Variants in WDR20 observed in about 807,000 individuals in gnomAD.
The protein encoded by WDR20 is WD repeat-containing protein 20.
A neutral mutation model predicts 38.7 loss-of-function variants in WDR20; 3 were observed. The ratio of observed to expected loss-of-function variants is 0.08; its 90% confidence interval spans 0.04 to 0.20. The LOEUF (loss-of-function observed/expected upper bound fraction) is 0.20. Ranked by LOEUF, WDR20 falls within the 10% of genes least tolerant of loss-of-function variation. The pLI is 1.00. For synonymous variants in WDR20, 298 were observed against 285.6 expected, an observed-to-expected ratio of 1.04 and a Z score of -0.44; for missense variants, 559 against 727.7, an observed-to-expected ratio of 0.77 and a Z score of 2.67.
downstream of WDR20, chr14:102,213,690 T>C (rs1264417999): frequency 2.0e-6 from 2 of 985,312 alleles, no homozygotes; most frequent in Non-Finnish European, 2.4e-6. Context: ...TTCCTCCACT[T>C]CCTGGGGTTC....
chr14:102,209,201 G>C lies in WDR20; in HGVS notation c.1031G>C (p.Arg344Pro). Residue 344 changes from arginine to proline, a missense_variant, in exon 3 of 3, where the codon CGA becomes CCA. Arg to Pro is a moderately radical substitution (Grantham distance 103). Transcript: ENST00000342702. The surrounding 1 kb of genome is among the most constrained non-coding windows in gnomAD (Gnocchi z 6.0). The stretch of plus-strand genomic sequence containing the variant: ...GACCTTCTTCATTTTGGCAGAGATC[G>C]AGCAAATAGTACACAGTCCAGGCTC... Reference protein sequence around the residue: ...FQDLLHFGRDRANSTQSRLSK... With the variant: ...FQDLLHFGRDPANSTQSRLSK... The C allele has an allele frequency of 6.2e-7, 1 of 1,614,110 alleles. No homozygotes were observed. Among genetic ancestry groups the C allele is most frequent in the Non-Finnish European group, 8.5e-7 (1 of 1,180,032 alleles).
At chr14:102,216,607 G>A (rs1597120607), downstream of WDR20, among the ~76,000 whole-genome samples, 1 of 152,152 alleles carries the variant, frequency 6.6e-6, no homozygotes, top group South Asian at 2.1e-4. Flanking sequence ...TTTAAAAATA[G>A]CTAGTTTGTA....
chr14:102,173,234 T>A (rs1476422547), intron 1 of WDR20, among the ~76,000 whole-genome samples: 1 of 151,316 alleles, frequency 6.6e-6, no homozygotes, highest in African/African-American at 2.4e-5. Context: ...TGCCTCAGCC[T>A]CACGAGCAGT....
At chr14:102,139,664 C>T, upstream of WDR20, 1 of 651,254 alleles carries the variant, frequency 1.5e-6, no homozygotes, top group South Asian at 2.0e-5. Context: ...GGGAAGCAGC[C>T]ATGCCGCCCG....
intron 1 of WDR20, among the ~76,000 whole-genome samples, chr14:102,150,434 C>T (rs2152717144): frequency 6.6e-6 from 1 of 152,256 alleles, no homozygotes; most frequent in East Asian, 1.9e-4. Context: ...GATTGAGCCA[C>T]TGCACTCCAG....
intron 2 of WDR20, among the ~76,000 whole-genome samples, chr14:102,195,624 G>A (rs1045806488): frequency 7.2e-5 from 11 of 152,206 alleles, no homozygotes; most frequent in African/African-American, 2.4e-4. Context: ...TGGAAATCCT[G>A]GCGCTTAAAG....
At chr14:102,201,932 C>T (rs576866069) in intron 2 of WDR20, among the ~76,000 whole-genome samples, 45 of 151,966 alleles carry the variant, frequency 3.0e-4, no homozygotes, top group African/African-American at 1.1e-3. Context: ...TACCCCTGCC[C>T]TGGAGGGGCT....
Position 102,209,826 on chromosome 14 carries a change from G to A in WDR20, c.1656G>A (p.Glu552=). ...LEDCIVTACQ[E]GFICTWGRPG... is the part of the protein sequence containing the mutation. Reference sequence around the variant, plus strand: ...ACTGTATAGTCACTGCTTGTCAGGAGGGATTTATTTGCACATGGGGAAGGC... The same window carrying A: ...ACTGTATAGTCACTGCTTGTCAGGAAGGATTTATTTGCACATGGGGAAGGC... The change falls in exon 3 of 3, where the codon GAG becomes GAA. Residue 552 remains glutamate, a synonymous_variant. Transcript: ENST00000342702. This position sits in a 1 kb window ranked among gnomAD's most constrained non-coding sequence, Gnocchi z 6.0. The A allele has an allele frequency of 6.2e-7, 1 of 1,613,692 alleles. No homozygotes were observed. The highest frequency in any genetic ancestry group is 1.7e-5 in the Admixed American group (1 of 60,012).
chr14:102,183,692 A>C (rs1271965665), intron 1 of WDR20, among the ~76,000 whole-genome samples: 1 of 152,222 alleles, frequency 6.6e-6, no homozygotes, highest in Non-Finnish European at 1.5e-5. Context: ...GGCCCTCTGC[A>C]CAACTGGGGA....
At chr14:102,181,753 A>G (rs2063436914) in intron 1 of WDR20, among the ~76,000 whole-genome samples, 1 of 152,262 alleles carries the variant, frequency 6.6e-6, no homozygotes, top group Middle Eastern at 3.4e-3. Context: ...ATACGAGATC[A>G]TGAGTGGTAA....
rs745572420 is a variant in WDR20 at position 102,209,932 on chromosome 14, G to C, written c.*52G>C. 87 of 1,525,898 alleles carry C rather than the reference G, an allele frequency of 5.7e-5. No individual in the cohort carries two copies. The highest frequency in any genetic ancestry group is 7.1e-5 in the Non-Finnish European group (81 of 1,143,206). The allele number at this position is 1,525,898 out of a possible 1,614,324, so 94.5% of individuals were successfully genotyped here. ...AGGTAGTGACTTTTTTCTTTTTCGT[G>C]GGAGGGGTGGGGTGTACAATGAATG... On this transcript the variant is annotated 3_prime_UTR_variant, in exon 3 of 3. Coordinates refer to ENST00000342702, the MANE Select transcript of WDR20 (RefSeq NM_144574.4). The surrounding 1 kb of genome is among the most constrained non-coding windows in gnomAD (Gnocchi z 6.0).
At chr14:102,214,543 T>C (rs1162297921), downstream of WDR20, 2 of 985,334 alleles carry the variant, frequency 2.0e-6, no homozygotes, top group African/African-American at 3.5e-5. Flanking sequence ...GAACTTCGTG[T>C]CATAAATTGC....
intron 1 of WDR20, among the ~76,000 whole-genome samples, chr14:102,163,882 T>G (rs2059253516): frequency 6.6e-6 from 1 of 152,166 alleles, no homozygotes; most frequent in African/African-American, 2.4e-5. Flanking sequence ...CTGTCTCTAC[T>G]TCTTTCCCAT....
At chr14:102,217,959 G>T (rs1567099818), downstream of WDR20, among the ~76,000 whole-genome samples, 1 of 152,234 alleles carries the variant, frequency 6.6e-6, no homozygotes, top group Non-Finnish European at 1.5e-5. Context: ...AGCCTCAGGG[G>T]CTACGTGCAG....
At chr14:102,217,657 T>C (rs1382261715), downstream of WDR20, among the ~76,000 whole-genome samples, 1 of 152,256 alleles carries the variant, frequency 6.6e-6, no homozygotes, top group African/African-American at 2.4e-5. Flanking sequence ...TTGTGTGATG[T>C]AGAGACTGGC....
At chr14:102,224,383 ATC>A, downstream of WDR20, 1 of 355,604 alleles carries the variant, frequency 2.8e-6, no homozygotes, top group East Asian at 7.5e-5. Flanking sequence ...GCTCGTGAGC[ATC>A]TGAGTTTAGG....
At chr14:102,147,483 C>A (rs1186637812) in intron 1 of WDR20, among the ~76,000 whole-genome samples, 1 of 152,190 alleles carries the variant, frequency 6.6e-6, no homozygotes, top group Non-Finnish European at 1.5e-5. Context: ...GCCATTCTTT[C>A]AGCAAATATT....
chr14:102,212,486 C>T, downstream of WDR20: 2 of 1,535,060 alleles, frequency 1.3e-6, no homozygotes, highest in South Asian at 1.2e-5. Context: ...TGTGTCCACT[C>T]TGCCCCTCTG....
chr14:102,169,467 C>T (rs2060405383), intron 1 of WDR20, among the ~76,000 whole-genome samples: 1 of 152,136 alleles, frequency 6.6e-6, no homozygotes, highest in South Asian at 2.1e-4. Context: ...ATACCAGGAT[C>T]TAAAATGGTG....
Sources: allele counts gnomAD v4.1 joint callset (sites outside exome capture counted in the v4.1 genomes callset), GRCh38; gene constraint gnomAD v4.1.1; non-coding constraint Gnocchi (gnomAD v3.1); transcripts MANE v1.5; gene names NCBI Gene and HGNC (gene_info 2026-07-23, HGNC 2026-07-21).